Variants in STAM2 observed in about 807,000 individuals in gnomAD.
STAM2 encodes the protein signal transducing adaptor molecule 2, also known as signal transducing adapter molecule 2.
STAM2 carries 51 observed loss-of-function variants against 65.6 expected under a neutral mutation model. The observed-to-expected ratio is 0.78, with a 90% confidence interval of 0.62 to 0.98. The LOEUF is 0.98. Ranked by LOEUF, STAM2 falls within the 50% of genes least tolerant of loss-of-function variation. The pLI is 0.00. For synonymous variants in STAM2, 198 were observed against 208.4 expected (o/e 0.95, Z 0.43); for missense variants, 584 against 617.8 (o/e 0.95, Z 0.58).
chr2:152,153,333 T>C (rs1356950412), intron 1 of STAM2, among the ~76,000 whole-genome samples: 2 of 151,966 alleles, frequency 1.3e-5, no homozygotes. Context: ...AATATCACAG[T>C]GATCATCAGG....
At position 152,120,037 on chromosome 2, in the gene STAM2, A is replaced by C. The variant is rs1268507021; in HGVS notation, c.*537T>G. 3 of 153,068 alleles carry C rather than the reference A, an allele frequency of 2.0e-5. No individual in the cohort carries two copies. Among genetic ancestry groups the C allele is most frequent in the Non-Finnish European group, 4.4e-5 (3 of 68,394 alleles). 9.5% of individuals were successfully genotyped at this position (153,068 alleles called of 1,614,324 possible). A position where few individuals can be genotyped will look rare whatever the true frequency, so the allele number is the denominator to read the frequency against. On this transcript the variant is annotated 3_prime_UTR_variant, in exon 14 of 14. Transcript: ENST00000263904. Reference sequence around the variant, plus strand: ...CTGGCAAGCTAAATGCTTACACACAAAAAAGTTAGACTTTTAAAGTGTGTG... The same window carrying C: ...CTGGCAAGCTAAATGCTTACACACACAAAAGTTAGACTTTTAAAGTGTGTG...
intron 13 of STAM2, among the ~76,000 whole-genome samples, chr2:152,123,027 T>C (rs1688885919): frequency 6.6e-6 from 1 of 151,430 alleles, no homozygotes; most frequent in Non-Finnish European, 1.5e-5. Flanking sequence ...GCTGAGATCA[T>C]GCCACTGCAC....
At chr2:152,159,235 G>A (rs369456063) in intron 1 of STAM2, among the ~76,000 whole-genome samples, 1 of 151,058 alleles carries the variant, frequency 6.6e-6, no homozygotes, top group South Asian at 2.1e-4. Flanking sequence ...GTGCCCAGGA[G>A]TTTAAAGCTG....
chr2:152,129,276 A>G (rs1306749343), intron 11 of STAM2, among the ~76,000 whole-genome samples: 10 of 152,040 alleles, frequency 6.6e-5, no homozygotes, highest in Admixed American at 6.6e-4. Context: ...CTTCTTGAGG[A>G]GCTGGGACTA....
chr2:152,134,882 G>C (rs1265000418), intron 8 of STAM2, among the ~76,000 whole-genome samples: 1 of 152,124 alleles, frequency 6.6e-6, no homozygotes. Flanking sequence ...CTCCCTACCT[G>C]AATAACAAAT....
chr2:152,120,628 T>C lies in STAM2; in HGVS notation c.1524A>G (p.Pro508=). ...TGTGCTGCTGTGCAACTGGATGAGC[T>C]GGAACTGTCACCGGAAAGCCTGCCA... ...PQLAGFPVTV[P]AHPVAQQHTN... Residue 508 remains proline, a synonymous_variant, in exon 14 of 14, where the codon CCA becomes CCG. Coordinates refer to ENST00000263904, the MANE Select transcript of STAM2 (RefSeq NM_005843.6). 6.2e-7 allele frequency: 1 copy of C among 1,614,168 alleles called. No individual in the cohort carries two copies. The highest frequency in any genetic ancestry group is 8.5e-7 in the Non-Finnish European group (1 of 1,180,022).
chr2:152,120,258 TATCTCATACTGTTTGTCATAAGG>T lies in STAM2; in HGVS notation c.*293_*315del. 7.1e-6 allele frequency: 2 copies of T among 280,530 alleles called. No individual in the cohort carries two copies. Among genetic ancestry groups the T allele is most frequent in the South Asian group, 5.3e-5 (1 of 18,846 alleles). The allele number at this position is 280,530 out of a possible 1,614,324, so 17.4% of individuals were successfully genotyped here. On this transcript the variant is annotated 3_prime_UTR_variant, in exon 14 of 14. Transcript: ENST00000263904. The stretch of plus-strand genomic sequence containing the variant: ...GGTGACAGAGCGAGTTTGTCATAAG[TATCTCATACTGTTTGTCATAAGG>T]CTACTTAATGAGTATCTAGATTTAT...
At chr2:152,149,861 T>C (rs1689410198) in intron 2 of STAM2, among the ~76,000 whole-genome samples, 1 of 152,186 alleles carries the variant, frequency 6.6e-6, no homozygotes, top group Admixed American at 6.5e-5. Flanking sequence ...GGACATATAT[T>C]TTGTATATAC....
intron 7 of STAM2, among the ~76,000 whole-genome samples, chr2:152,137,633 T>C (rs756863687): frequency 1.5e-4 from 23 of 152,184 alleles, no homozygotes; most frequent in Non-Finnish European, 2.8e-4. Flanking sequence ...GCAATCAAAT[T>C]TGGCAATCTT....
intron 10 of STAM2, among the ~76,000 whole-genome samples, chr2:152,132,520 C>A (rs1234386815): frequency 6.6e-6 from 1 of 152,092 alleles, no homozygotes; most frequent in East Asian, 1.9e-4. Context: ...AACCTTTGCC[C>A]ATCAGATATG....
In STAM2 at chr2:152,152,548, CAA is replaced by C. The variant is rs532945904; in HGVS notation, c.41-2321_41-2320del. 6.9e-5 allele frequency among the ~76,000 whole-genome samples: 9 copies of C among 129,972 alleles called. No individual in the cohort carries two copies. In the Admixed American group the frequency reaches 7.4e-4, roughly 11 times the overall value. 85.3% of individuals were successfully genotyped at this position (129,972 alleles called of 152,430 possible). On this transcript the variant is annotated intron_variant, in intron 1 of 13. Coordinates refer to ENST00000263904, the MANE Select transcript of STAM2 (RefSeq NM_005843.6). ...TGGGTGACAGAGTGAGACTCTGTCT[CAA>C]AAAAAAACAACAAAAAAAAAACTTT...
At chr2:152,152,098 G>T (rs1159803293) in intron 1 of STAM2, among the ~76,000 whole-genome samples, 1 of 152,026 alleles carries the variant, frequency 6.6e-6, no homozygotes, top group Non-Finnish European at 1.5e-5. Context: ...GCACCATCAC[G>T]CCCAACTAAG....
chr2:152,129,666 C>A (rs1376400147), intron 11 of STAM2, among the ~76,000 whole-genome samples: 6 of 152,118 alleles, frequency 3.9e-5, no homozygotes, highest in Non-Finnish European at 8.8e-5. Flanking sequence ...GTGCACTCAA[C>A]CAACTTCAAA....
chr2:152,173,684 G>A (rs144242300), intron 1 of STAM2, among the ~76,000 whole-genome samples: 2 of 152,094 alleles, frequency 1.3e-5, no homozygotes, highest in East Asian at 1.9e-4. Context: ...GGCGTGAGCC[G>A]CTGCGCCTGA....
In STAM2 at chr2:152,118,174, G is replaced by A. The variant is rs1292373365; in HGVS notation, c.*2400C>T. Reference sequence around the variant, plus strand: ...AAACAGTAAGTATGAACCCAATGTAGAAATCTGAAGTTAGACAATTCCCTT... The same window carrying A: ...AAACAGTAAGTATGAACCCAATGTAAAAATCTGAAGTTAGACAATTCCCTT... On this transcript the variant is annotated 3_prime_UTR_variant, in exon 14 of 14. Transcript: ENST00000263904. 2 of 151,774 alleles carry A rather than the reference G, an allele frequency of 1.3e-5. No homozygotes were observed. Among genetic ancestry groups the A allele is most frequent in the Non-Finnish European group, 2.9e-5 (2 of 67,898 alleles). The allele number at this position is 151,774 out of a possible 1,614,324, so 9.4% of individuals were successfully genotyped here.
intron 8 of STAM2, among the ~76,000 whole-genome samples, chr2:152,133,714 A>G (rs577161674): frequency 1.3e-5 from 2 of 152,300 alleles, no homozygotes; most frequent in East Asian, 3.9e-4. Context: ...AGGCATTTAT[A>G]CAGACACCGG....
At chr2:152,172,805 G>A (rs1253901894) in intron 1 of STAM2, among the ~76,000 whole-genome samples, 1 of 151,280 alleles carries the variant, frequency 6.6e-6, no homozygotes, top group African/African-American at 2.4e-5. Flanking sequence ...CGGGAGGCGG[G>A]GTTGCAGTAA....
chr2:152,121,431 A>T (rs1688851319), intron 13 of STAM2, among the ~76,000 whole-genome samples: 1 of 152,152 alleles, frequency 6.6e-6, no homozygotes, highest in Non-Finnish European at 1.5e-5. Flanking sequence ...TGACAGAAGT[A>T]CCCTTGGCCA....
Position 152,131,772 on chromosome 2 carries a change from C to T in STAM2, c.1025+342G>A, listed in dbSNP as rs532387289. 1.2e-5 allele frequency: 3 copies of T among 249,624 alleles called. No individual in the cohort carries two copies. In the East Asian group the frequency reaches 3.2e-4, roughly 27 times the overall value. 15.5% of individuals were successfully genotyped at this position (249,624 alleles called of 1,614,324 possible). A position where few individuals can be genotyped will look rare whatever the true frequency, so the allele number is the denominator to read the frequency against. ...AAACTGCTGTCCATCACTACAGTGG[C>T]AATGATGGGCACGGCATGCAGAAAA... On this transcript the variant is annotated intron_variant, in intron 11 of 13. Transcript: ENST00000263904.
Sources: gnomAD v4.1 joint callset for allele counts (sites outside exome capture counted in the v4.1 genomes callset) on GRCh38, gnomAD v4.1.1 for gene constraint, MANE v1.5 for transcripts, NCBI Gene and HGNC (gene_info 2026-07-23, HGNC 2026-07-21) for gene names.